Variants in LRP10 observed in about 807,000 individuals in gnomAD.
LRP10 encodes LDL receptor related protein 10, also known as low-density lipoprotein receptor-related protein 10.
LRP10 carries 42 observed loss-of-function variants against 58.5 expected under a neutral mutation model. That is an observed-to-expected ratio of 0.72 (90% CI 0.56 to 0.93). The LOEUF (loss-of-function observed/expected upper bound fraction) is 0.93, where lower values mean the gene tolerates loss of function less well. Ranked by LOEUF, LRP10 falls within the 40% of genes least tolerant of loss-of-function variation. The pLI, the probability that LRP10 is intolerant of heterozygous loss-of-function variation, is 0.00. For synonymous variants in LRP10, 377 were observed against 388.5 expected (o/e 0.97, Z 0.35); for missense variants, 872 against 940.1 (o/e 0.93, Z 0.95).
rs201144028 is a variant in LRP10, at chr14:22,875,400, G to A, written c.452G>A (p.Arg151His). ...GAAGAGTTTCAGTGCCTGAACCACC[G>A]CTGTGTATCTGCTGTCCAGCGCTGT... ...LQEEFQCLNHRCVSAVQRCDG... is the reference protein window; with the variant it reads ...LQEEFQCLNHHCVSAVQRCDG... Residue 151 changes from arginine (R) to histidine (H), a missense_variant, in exon 5 of 7, where the codon CGC (arginine) becomes CAC (histidine). Arg to His is a conservative substitution (Grantham distance 29). Coordinates refer to ENST00000359591, the MANE Select transcript of LRP10 (RefSeq NM_014045.5). 320 of 1,614,060 alleles carry A rather than the reference G, an allele frequency of 2.0e-4. 1 individual carries two copies. In the East Asian group the frequency reaches 6.4e-3, roughly 32 times the overall value.
In LRP10 at chr14:22,873,433, A is replaced by G. The variant is rs557013103; in HGVS notation, c.202A>G (p.Thr68Ala). The G allele has an allele frequency of 1.9e-6, 3 of 1,613,950 alleles. No individual in the cohort carries two copies. In the South Asian group the frequency reaches 3.3e-5, roughly 18 times the overall value. ...TWLILGSKEQ[T>A]VTIRFQKLHL... ...GCTCATCCTGGGCAGCAAGGAACAG[A>G]CTGTCACCATCAGGTGAGAAGCAGA... The change falls in exon 3 of 7, where the codon ACT becomes GCT. Residue 68 changes from threonine (T) to alanine (A), a missense_variant. By Grantham distance (58) the Thr-to-Ala change is moderately conservative (BLOSUM62 0). Transcript: ENST00000359591.
Position 22,877,712 on chromosome 14 carries a change from G to C in LRP10, c.*185G>C. The C allele has an allele frequency of 7.3e-6, 4 of 551,014 alleles. No homozygotes were observed. Among genetic ancestry groups the C allele is most frequent in the Non-Finnish European group, 1.3e-5 (4 of 313,594 alleles). The allele number at this position is 551,014 out of a possible 1,614,324, so 34.1% of individuals were successfully genotyped here. The stretch of plus-strand genomic sequence containing the variant: ...AAGTTAAGTGTCCCTCAGGCAGGGA[G>C]AGGGCTCACAGAGTCTCCTCTGTAC... On this transcript the variant is annotated 3_prime_UTR_variant, in exon 7 of 7. Coordinates refer to ENST00000359591, the MANE Select transcript of LRP10 (RefSeq NM_014045.5). The surrounding 1 kb of genome is among the most constrained non-coding windows in gnomAD (Gnocchi z 5.1).
rs1271055517 is a variant in LRP10 at position 22,875,724 on chromosome 14, C to T, written c.776C>T (p.Ser259Phe). The T allele has an allele frequency of 3.7e-6, 6 of 1,613,782 alleles. No individual in the cohort carries two copies. In the Admixed American group the frequency reaches 5.0e-5, roughly 13 times the overall value. Reference protein sequence around the residue: ...VYDGPGPPESSRLLRSLTHFS... With the variant: ...VYDGPGPPESFRLLRSLTHFS... ...GACGGCCCTGGGCCCCCTGAGAGCTCCCGACTACTGCGTAGTCTCACCCAC... is the reference window on the plus strand; with the variant it reads ...GACGGCCCTGGGCCCCCTGAGAGCTTCCGACTACTGCGTAGTCTCACCCAC... Residue 259 changes from serine to phenylalanine, a missense_variant, in exon 5 of 7, where the codon TCC (serine) becomes TTC (phenylalanine). Coordinates refer to ENST00000359591, the MANE Select transcript of LRP10 (RefSeq NM_014045.5).
rs143320531 is a variant in LRP10, at chr14:22,879,421, T to A, written c.*1894T>A. On this transcript the variant is annotated 3_prime_UTR_variant, in exon 7 of 7. Coordinates refer to ENST00000359591, the MANE Select transcript of LRP10 (RefSeq NM_014045.5). ...AGGATCCACTCAGCGTCAGGCCCAA[T>A]GGAAATAGTGAAGCAGTGATTTTCC... 72 of 278,646 alleles carry A rather than the reference T, an allele frequency of 2.6e-4. No homozygotes were observed. The highest frequency in any genetic ancestry group is 1.3e-3 in the Middle Eastern group (1 of 766). The allele number at this position is 278,646 out of a possible 1,614,324, so 17.3% of individuals were successfully genotyped here.
chr14:22,878,958 T>G lies in LRP10; in HGVS notation c.*1431T>G, dbSNP rs1595032982. 6.9e-6 allele frequency: 2 copies of G among 288,500 alleles called. No homozygotes were observed. The highest frequency in any genetic ancestry group is 1.5e-5 in the Non-Finnish European group (2 of 137,300). The allele number at this position is 288,500 out of a possible 1,614,324, so 17.9% of individuals were successfully genotyped here. On this transcript the variant is annotated 3_prime_UTR_variant, in exon 7 of 7. Coordinates refer to ENST00000359591, the MANE Select transcript of LRP10 (RefSeq NM_014045.5). ...TAGAAGGAAGCTGTGGGGGTGGGAG[T>G]GATGCCTCAGGAACAAAACTGAGGA... is the stretch of plus-strand genomic sequence containing the variant.
At position 22,873,321 on chromosome 14, in the gene LRP10, C is replaced by G. The variant is rs1384292446; in HGVS notation, c.90C>G (p.Asp30Glu). The change falls in exon 3 of 7, where the codon GAC (aspartate) becomes GAG (glutamate). Residue 30 changes from aspartate (D) to glutamate (E), a missense_variant. Physicochemically the swap from Asp to Glu is conservative, Grantham distance 45. Coordinates refer to ENST00000359591, the MANE Select transcript of LRP10 (RefSeq NM_014045.5). ...RIIFPNHACE[D>E]PPAVLLEVQG... is the part of the protein sequence containing the mutation. The stretch of plus-strand genomic sequence containing the variant: ...CCTTCCTCTCTCCAGCTTGTGAGGA[C>G]CCCCCAGCAGTGCTCTTAGAAGTGC... The G allele has an allele frequency of 6.2e-7, 1 of 1,612,348 alleles. No individual in the cohort carries two copies.
rs1467798550 is a variant in LRP10, at chr14:22,875,016, CA to C, written c.216-37del. Reference sequence around the variant, plus strand: ...AGGGGAGGAGAAAGCCAGCAGCAGTCAAGAGTATCTCATGTCCTGCTCTCCT... The same window carrying C: ...AGGGGAGGAGAAAGCCAGCAGCAGTCAGAGTATCTCATGTCCTGCTCTCCT... On this transcript the variant is annotated intron_variant, in intron 3 of 6. Coordinates refer to ENST00000359591, the MANE Select transcript of LRP10 (RefSeq NM_014045.5). 6 of 1,413,860 alleles carry C rather than the reference CA, an allele frequency of 4.2e-6. No individual in the cohort carries two copies. The African/African-American group carries it at 8.6e-5, about 20-fold the overall frequency. The allele number at this position is 1,413,860 out of a possible 1,614,324, so 87.6% of individuals were successfully genotyped here.
chr14:22,872,689 ACTC>A (rs1430602361), intron 1 of LRP10, 46 bp from the exon 2 acceptor site: 1 of 1,590,776 alleles, frequency 6.3e-7, no homozygotes, highest in African/African-American at 1.4e-5. Context: ...GAAGAAGAAA[ACTC>A]CTAAGGAGTG....
rs1466904137 is a variant in LRP10, at chr14:22,880,131, T to G, written c.*2604T>G. The G allele has an allele frequency of 6.6e-6, 1 of 152,204 alleles. No homozygotes were observed. Among genetic ancestry groups the G allele is most frequent in the Non-Finnish European group, 1.5e-5 (1 of 68,114 alleles). The allele number at this position is 152,204 out of a possible 1,614,324, so 9.4% of individuals were successfully genotyped here. A position where few individuals can be genotyped will look rare whatever the true frequency, so the allele number is the denominator to read the frequency against. ...GGCTTTCGCCTGTAATCCTAGCACT[T>G]TGGGAGGCCAAGGCAGGCAGACTGC... On this transcript the variant is annotated 3_prime_UTR_variant, in exon 7 of 7. Coordinates refer to ENST00000359591, the MANE Select transcript of LRP10 (RefSeq NM_014045.5).
Position 22,877,483 on chromosome 14 carries a change from G to A in LRP10, c.2098G>A (p.Gly700Arg). The change falls in exon 7 of 7, where the codon GGG (glycine) becomes AGG (arginine). Residue 700 changes from glycine to arginine, a missense_variant. Physicochemically the swap from Gly to Arg is moderately radical, Grantham distance 125. Transcript: ENST00000359591. This position sits in a 1 kb window ranked among gnomAD's most constrained non-coding sequence, Gnocchi z 5.1. Reference protein sequence around the residue: ...DVLLVPLAEPGVWVAEAEDEP... With the variant: ...DVLLVPLAEPRVWVAEAEDEP... ...GCTACTGGTGCCACTGGCTGAGCCGGGGGTGTGGGTAGCTGAGGCAGAGGA... is the reference window on the plus strand; with the variant it reads ...GCTACTGGTGCCACTGGCTGAGCCGAGGGTGTGGGTAGCTGAGGCAGAGGA... 6.2e-7 allele frequency: 1 copy of A among 1,611,414 alleles called. No individual in the cohort carries two copies. The highest frequency in any genetic ancestry group is 8.5e-7 in the Non-Finnish European group (1 of 1,179,304).
chr14:22,877,354 G>T lies in LRP10; in HGVS notation c.1969G>T (p.Ala657Ser). The T allele has an allele frequency of 6.2e-7, 1 of 1,613,244 alleles. No homozygotes were observed. The change falls in exon 7 of 7, where the codon GCC becomes TCC. Residue 657 changes from alanine (A) to serine (S), a missense_variant. Physicochemically the swap from Ala to Ser is moderately conservative, Grantham distance 99. Transcript: ENST00000359591. The surrounding 1 kb of genome is among the most constrained non-coding windows in gnomAD (Gnocchi z 5.1). ...ATCACTATTGTCTGGAGTGGTGCAGGCCCTGCGAGGCCGCCTGTTGCCCAG... is the reference window on the plus strand; with the variant it reads ...ATCACTATTGTCTGGAGTGGTGCAGTCCCTGCGAGGCCGCCTGTTGCCCAG... ...EPSLLSGVVQ[A>S]LRGRLLPSLG...
chr14:22,871,979 G>C lies in LRP10; in HGVS notation c.-325G>C, dbSNP rs762834598. On this transcript the variant is annotated 5_prime_UTR_variant, in exon 1 of 7. Coordinates refer to ENST00000359591, the MANE Select transcript of LRP10 (RefSeq NM_014045.5). ...GTGGCGACCAGGCCAGACCAGGGGC[G>C]CTCGCTGCCTGCGGGCGGGCTGTAG... 335 of 500,346 alleles carry C rather than the reference G, an allele frequency of 6.7e-4. 3 individuals are homozygous for C. Among genetic ancestry groups the C allele is most frequent in the Non-Finnish European group, 1.1e-3 (297 of 280,188 alleles). 31.0% of individuals were successfully genotyped at this position (500,346 alleles called of 1,614,324 possible).
In LRP10 at chr14:22,877,223, C is replaced by T. The variant is rs1477732103; in HGVS notation, c.1838C>T (p.Ala613Val). ...GAVGGQDGEQAPPLPIKAPLP... is the reference protein window; with the variant it reads ...GAVGGQDGEQVPPLPIKAPLP... ...GTGGGTGGGCAAGATGGGGAGCAGGCACCCCCACTGCCCATCAAGGCTCCC... is the reference window on the plus strand; with the variant it reads ...GTGGGTGGGCAAGATGGGGAGCAGGTACCCCCACTGCCCATCAAGGCTCCC... Residue 613 changes from alanine (A) to valine (V), a missense_variant, in exon 7 of 7, where the codon GCA becomes GTA. Coordinates refer to ENST00000359591, the MANE Select transcript of LRP10 (RefSeq NM_014045.5). This position sits in a 1 kb window ranked among gnomAD's most constrained non-coding sequence, Gnocchi z 5.1. 3 of 1,601,136 alleles carry T rather than the reference C, an allele frequency of 1.9e-6. No individual in the cohort carries two copies. In the East Asian group the frequency reaches 6.7e-5, roughly 36 times the overall value.
Position 22,877,318 on chromosome 14 carries a change from C to A in LRP10, c.1933C>A (p.Pro645Thr). The A allele has an allele frequency of 6.2e-7, 1 of 1,611,738 alleles. No homozygotes were observed. The highest frequency in any genetic ancestry group is 8.5e-7 in the Non-Finnish European group (1 of 1,178,818). The change falls in exon 7 of 7, where the codon CCC (proline) becomes ACC (threonine). Residue 645 changes from proline (P) to threonine (T), a missense_variant. Physicochemically the swap from Pro to Thr is conservative, Grantham distance 38. Transcript: ENST00000359591. This position sits in a 1 kb window ranked among gnomAD's most constrained non-coding sequence, Gnocchi z 5.1. ...PEAPGPLPSL[P>T]LEPSLLSGVV... Reference sequence around the variant, plus strand: ...AGCCCCAGGGCCACTGCCCTCACTGCCCCTAGAGCCATCACTATTGTCTGG... The same window carrying A: ...AGCCCCAGGGCCACTGCCCTCACTGACCCTAGAGCCATCACTATTGTCTGG...
rs772545247 is a variant in LRP10 at position 22,879,190 on chromosome 14, C to G, written c.*1663C>G. On this transcript the variant is annotated 3_prime_UTR_variant, in exon 7 of 7. Coordinates refer to ENST00000359591, the MANE Select transcript of LRP10 (RefSeq NM_014045.5). ...CCAGCACTAATTGCACAATTTTCCT[C>G]TCTTCTAGTGAGCAAGAGCCTGAGG... 5 of 456,634 alleles carry G rather than the reference C, an allele frequency of 1.1e-5. No homozygotes were observed. The highest frequency in any genetic ancestry group is 6.2e-5 in the South Asian group (4 of 64,570). 28.3% of individuals were successfully genotyped at this position (456,634 alleles called of 1,614,324 possible).
At position 22,872,189 on chromosome 14, in the gene LRP10, G is replaced by A. The variant is rs2039961089; in HGVS notation, c.-115G>A. On this transcript the variant is annotated 5_prime_UTR_variant, in exon 1 of 7. Transcript: ENST00000359591. The stretch of plus-strand genomic sequence containing the variant: ...GAGTACGGGTCGAGCCCGGGCCATG[G>A]AGCCCCCCTGGGGAGGCGGCACCAG... 1.0e-5 allele frequency: 11 copies of A among 1,092,692 alleles called. No individual in the cohort carries two copies. Among genetic ancestry groups the A allele is most frequent in the Non-Finnish European group, 1.4e-5 (10 of 709,338 alleles). 67.7% of individuals were successfully genotyped at this position (1,092,692 alleles called of 1,614,324 possible).
In LRP10 at chr14:22,875,422, C is replaced by T. The variant is rs1387924666; in HGVS notation, c.474C>T (p.Arg158=). The change falls in exon 5 of 7, where the codon CGC becomes CGT. Residue 158 remains arginine, a synonymous_variant. Coordinates refer to ENST00000359591, the MANE Select transcript of LRP10 (RefSeq NM_014045.5). ...LNHRCVSAVQ[R]CDGVDACGDG... The stretch of plus-strand genomic sequence containing the variant: ...ACCGCTGTGTATCTGCTGTCCAGCG[C>T]TGTGATGGGGTTGATGCCTGTGGCG... 6.2e-7 allele frequency: 1 copy of T among 1,614,204 alleles called. No individual in the cohort carries two copies. The highest frequency in any genetic ancestry group is 1.7e-5 in the Admixed American group (1 of 60,032).
chr14:22,877,135 CCTT>C lies in LRP10; in HGVS notation c.1753_1755del (p.Ser585del), dbSNP rs1177074021. The C allele has an allele frequency of 6.2e-7, 1 of 1,610,812 alleles. No homozygotes were observed. ...CTCTGAGGCCAGATCCCAGGTCACA[CCTT>C]CTGCTGCTCCCCTTGAGGCCCTAGA... is the stretch of plus-strand genomic sequence containing the variant. On this transcript the variant is annotated inframe_deletion, in exon 7 of 7. Coordinates refer to ENST00000359591, the MANE Select transcript of LRP10 (RefSeq NM_014045.5). This position sits in a 1 kb window ranked among gnomAD's most constrained non-coding sequence, Gnocchi z 5.1.
intron 2 of LRP10, 141 bp from the exon 3 acceptor site, chr14:22,873,170 G>A (rs2039972679): frequency 3.1e-6 from 3 of 976,822 alleles, no homozygotes; most frequent in Non-Finnish European, 4.6e-6. Context: ...TGTAACTCTA[G>A]GCTGTGTGTG....
Sources: allele counts gnomAD v4.1 joint callset, GRCh38; gene constraint gnomAD v4.1.1; non-coding constraint Gnocchi (gnomAD v3.1); transcripts MANE v1.5; gene names NCBI Gene and HGNC (gene_info 2026-07-23, HGNC 2026-07-21).